The following CNTN1 variants were observed in gnomAD, a reference collection of about 807,000 sequenced individuals.
The protein encoded by CNTN1 is contactin 1.
A neutral mutation model predicts 126.4 loss-of-function variants in CNTN1; 38 were observed. That is an observed-to-expected ratio of 0.30 (90% CI 0.23 to 0.39). The LOEUF (loss-of-function observed/expected upper bound fraction) is 0.39. Ranked by LOEUF, CNTN1 falls within the 10% of genes least tolerant of loss-of-function variation. CNTN1 has a pLI of 1.00. For missense variants in CNTN1, 1,009 were observed against 1,248.4 expected (o/e 0.81, Z 2.89); for synonymous variants, 413 against 422.6 (o/e 0.98, Z 0.28).
chr12:40,797,193 A>G (rs1940471418), intron 1 of CNTN1, among the ~76,000 whole-genome samples: 1 of 152,140 alleles, frequency 6.6e-6, no homozygotes, highest in South Asian at 2.1e-4. Flanking sequence ...ATCAGGAAAG[A>G]GATACTGAAT....
At chr12:40,790,721 C>T (rs79557613) in intron 1 of CNTN1, among the ~76,000 whole-genome samples, 4 of 152,200 alleles carry the variant, frequency 2.6e-5, no homozygotes, top group Middle Eastern at 3.4e-3. Flanking sequence ...CCTGTCCCAC[C>T]GCCAACCAAC....
intron 1 of CNTN1, among the ~76,000 whole-genome samples, chr12:40,700,555 G>A (rs1391284313): frequency 1.3e-5 from 2 of 151,764 alleles, no homozygotes; most frequent in Non-Finnish European, 2.9e-5. Context: ...AAAATAAACT[G>A]GATTTTCTTT....
intron 1 of CNTN1, among the ~76,000 whole-genome samples, chr12:40,714,166 C>T (rs1478238644): frequency 1.3e-5 from 2 of 152,030 alleles, no homozygotes; most frequent in Non-Finnish European, 2.9e-5. Flanking sequence ...GAAAATTCTT[C>T]ACAGATAGAC....
intron 15 of CNTN1, among the ~76,000 whole-genome samples, chr12:40,968,974 TAG>T (rs1368697091): frequency 3.9e-5 from 6 of 152,168 alleles, no homozygotes; most frequent in African/African-American, 9.6e-5. Flanking sequence ...CAAGTTAAGT[TAG>T]AGAGTAGAGT....
chr12:40,927,865 T>C (rs1053633749), intron 6 of CNTN1, among the ~76,000 whole-genome samples: 5 of 152,128 alleles, frequency 3.3e-5, no homozygotes, highest in African/African-American at 4.8e-5. Context: ...TTAGCATTTA[T>C]CCCTTATAAG....
chr12:40,857,433 G>A (rs1475129476), intron 1 of CNTN1, among the ~76,000 whole-genome samples: 2 of 152,028 alleles, frequency 1.3e-5, no homozygotes, highest in East Asian at 1.9e-4. Context: ...AGGTTTGTGG[G>A]CAGTGGAGAT....
At chr12:40,951,165 G>C (rs1482220168) in intron 14 of CNTN1, among the ~76,000 whole-genome samples, 3 of 151,978 alleles carry the variant, frequency 2.0e-5, no homozygotes, top group African/African-American at 7.3e-5. Flanking sequence ...AAATGCTTAG[G>C]AGAAACCTCA....
intron 23 of CNTN1, among the ~76,000 whole-genome samples, chr12:41,065,519 G>A (rs1950031854): frequency 6.6e-6 from 1 of 152,198 alleles, no homozygotes; most frequent in Non-Finnish European, 1.5e-5. Context: ...CAGGTGCGAA[G>A]GAGAAGTGTC....
At chr12:40,778,688 A>G (rs538687368) in intron 1 of CNTN1, among the ~76,000 whole-genome samples, 1 of 151,932 alleles carries the variant, frequency 6.6e-6, no homozygotes, top group Admixed American at 6.6e-5. Context: ...AAACAAAACT[A>G]ACCAAAAAAA....
At chr12:40,912,608 A>G (rs17128932) in intron 3 of CNTN1, among the ~76,000 whole-genome samples, 5,863 of 152,108 alleles carry the variant, frequency 0.039, 342 homozygotes, top group African/African-American at 0.13. Context: ...TTATGATATG[A>G]CTGTATAATA....
rs748855906 is a variant in CNTN1 at position 41,070,259 on chromosome 12, G to A, written c.*224G>A. The A allele has an allele frequency of 1.7e-4, 99 of 573,058 alleles. No individual in the cohort carries two copies. The highest frequency in any genetic ancestry group is 2.4e-4 in the African/African-American group (13 of 53,234). 35.5% of individuals were successfully genotyped at this position (573,058 alleles called of 1,614,324 possible). The stretch of plus-strand genomic sequence containing the variant: ...AATGGATATAAATGATTTTTAACTC[G>A]TTCCAATATGCCTTATAAACCACTT... On this transcript the variant is annotated 3_prime_UTR_variant, in exon 24 of 24. Coordinates refer to ENST00000551295, the MANE Select transcript of CNTN1 (RefSeq NM_001843.4).
chr12:41,005,821 T>C (rs796503826), intron 17 of CNTN1, among the ~76,000 whole-genome samples: 2 of 152,274 alleles, frequency 1.3e-5, no homozygotes, highest in East Asian at 1.9e-4. Context: ...AGTTCCTTCA[T>C]TGTTTTATAA....
At chr12:40,974,363 G>C (rs1947613208) in intron 15 of CNTN1, among the ~76,000 whole-genome samples, 1 of 151,972 alleles carries the variant, frequency 6.6e-6, no homozygotes, top group Non-Finnish European at 1.5e-5. Context: ...CCAGCACTTT[G>C]GGAGACTGAG....
chr12:40,866,589 C>G (rs1429927955), intron 1 of CNTN1, among the ~76,000 whole-genome samples: 2 of 152,024 alleles, frequency 1.3e-5, no homozygotes, highest in Non-Finnish European at 2.9e-5. Flanking sequence ...GTTCTTTATT[C>G]TATTAATATG....
Position 41,068,704 on chromosome 12 carries a change from A to G in CNTN1, c.2981-1255A>G, listed in dbSNP as rs551807391. ...TTTATGGTCACTTTTAATGTGATAG[A>G]TAATAATAATTTATTTGGTGGTTTC... On this transcript the variant is annotated intron_variant, in intron 23 of 23. Coordinates refer to ENST00000551295, the MANE Select transcript of CNTN1 (RefSeq NM_001843.4). Among the ~76,000 whole-genome samples the G allele has an allele frequency of 6.6e-5, 10 of 152,366 alleles. No individual in the cohort carries two copies. In the South Asian group the frequency reaches 2.1e-3, roughly 32 times the overall value.
chr12:41,025,542 A>G, intron 21 of CNTN1, among the ~76,000 whole-genome samples: 1 of 152,220 alleles, frequency 6.6e-6, no homozygotes, highest in East Asian at 1.9e-4. Context: ...TAAATATTCC[A>G]TTATAGAAAT....
At position 41,065,117 on chromosome 12, in the gene CNTN1, G is replaced by A. The variant is rs569737853; in HGVS notation, c.2981-4842G>A. Reference sequence around the variant, plus strand: ...GTCGCCCGGGCTGGAGTGCAGTGGCGCCATCTCCGCTCACTGCAAGCTCTG... The same window carrying A: ...GTCGCCCGGGCTGGAGTGCAGTGGCACCATCTCCGCTCACTGCAAGCTCTG... On this transcript the variant is annotated intron_variant, in intron 23 of 23. Transcript: ENST00000551295. Among the ~76,000 whole-genome samples, 45 of 152,102 alleles carry A rather than the reference G, an allele frequency of 3.0e-4. 2 individuals are homozygous for A. Among genetic ancestry groups the A allele is most frequent in the Admixed American group, 2.9e-3 (44 of 15,264 alleles).
At chr12:40,934,435 T>TC (rs895547697) in intron 9 of CNTN1, among the ~76,000 whole-genome samples, 46 of 152,058 alleles carry the variant, frequency 3.0e-4, no homozygotes, top group African/African-American at 1.1e-3. Flanking sequence ...AAATCTTTTT[T>TC]TTTTTTTTTG....
chr12:41,026,129 A>G (rs1467812489), intron 21 of CNTN1, among the ~76,000 whole-genome samples: 3 of 152,196 alleles, frequency 2.0e-5, no homozygotes, highest in African/African-American at 7.2e-5. Flanking sequence ...TAAATTACCT[A>G]TTTAAACCTC....
Sources: gnomAD v4.1 joint callset for allele counts (sites outside exome capture counted in the v4.1 genomes callset) on GRCh38, gnomAD v4.1.1 for gene constraint, MANE v1.5 for transcripts, NCBI Gene and HGNC (gene_info 2026-07-23, HGNC 2026-07-21) for gene names.